Variants in OXCT1 observed in about 807,000 individuals in gnomAD.
OXCT1 encodes succinyl-CoA:3-ketoacid coenzyme A transferase 1, mitochondrial.
In OXCT1, 27 loss-of-function variants were observed where a neutral mutation model predicts 69.6. The observed-to-expected ratio is 0.39, with a 90% CI of 0.29 to 0.54. The LOEUF (loss-of-function observed/expected upper bound fraction) is 0.54, where lower values mean the gene tolerates loss of function less well. Among genes scored for constraint, OXCT1 ranks in the 20% least tolerant of loss-of-function variants. The probability of loss-of-function intolerance (pLI) is 0.72; values close to 1 mark genes in which losing one functional copy is unlikely to be tolerated. For missense variants in OXCT1, 437 were observed against 650.2 expected (o/e 0.67, Z 3.57); for synonymous variants, 202 against 217.8 (o/e 0.93, Z 0.64).
intron 10 of OXCT1, among the ~76,000 whole-genome samples, 183 bp from the exon 11 acceptor site, chr5:41,801,253 T>C (rs941886377): frequency 5.3e-5 from 8 of 152,178 alleles, no homozygotes; most frequent in African/African-American, 9.6e-5. Flanking sequence ...GTCTTTTCTA[T>C]ACTAAAGTTG....
chr5:41,849,676 G>GT (rs762171770), intron 5 of OXCT1, among the ~76,000 whole-genome samples: 1 of 152,164 alleles, frequency 6.6e-6, no homozygotes, highest in Non-Finnish European at 1.5e-5. Context: ...AGCATAAAGA[G>GT]TTTGCTAGCA....
chr5:41,730,537 G>A lies in OXCT1; in HGVS notation c.*1192C>T, dbSNP rs1350227745. On this transcript the variant is annotated 3_prime_UTR_variant, in exon 17 of 17. Coordinates refer to ENST00000196371, the MANE Select transcript of OXCT1 (RefSeq NM_000436.4). ...GCCTACCTCTGTCCAGAGGCCAGCT[G>A]TCTCACCTGTTCTTCAGGGTGCCTA... 6.6e-6 allele frequency: 1 copy of A among 152,234 alleles called. No homozygotes were observed. The highest frequency in any genetic ancestry group is 1.5e-5 in the Non-Finnish European group (1 of 68,038). 9.4% of individuals were successfully genotyped at this position (152,234 alleles called of 1,614,324 possible).
chr5:41,767,706 T>C (rs1450487321), intron 13 of OXCT1, among the ~76,000 whole-genome samples: 1 of 106,002 alleles, frequency 9.4e-6, no homozygotes, highest in African/African-American at 4.4e-5. Context: ...ATCTAGTATC[T>C]AATATATATG....
chr5:41,850,259 T>C, intron 4 of OXCT1, 80 bp from the exon 5 acceptor site: 1 of 1,501,958 alleles, frequency 6.7e-7, no homozygotes. Context: ...ACGTGGTTCC[T>C]ACTATCTAGA....
intron 16 of OXCT1, 38 bp downstream of exon 16, chr5:41,739,352 T>G: frequency 2.3e-6 from 3 of 1,294,696 alleles, no homozygotes; most frequent in Non-Finnish European, 3.4e-6. Flanking sequence ...GCCTATAATA[T>G]AAGACAAGTG....
intron 7 of OXCT1, among the ~76,000 whole-genome samples, chr5:41,834,132 A>G (rs1005934128): frequency 3.1e-4 from 47 of 152,088 alleles, no homozygotes; most frequent in African/African-American, 1.0e-3. Context: ...GCCTCATGCT[A>G]ACATCAAATA....
chr5:41,809,071 T>C (rs1199463254), intron 7 of OXCT1, among the ~76,000 whole-genome samples: 1 of 122,796 alleles, frequency 8.1e-6, no homozygotes, highest in East Asian at 1.9e-4. Flanking sequence ...TATGCACTCA[T>C]AATATTTAAT....
intron 5 of OXCT1, among the ~76,000 whole-genome samples, chr5:41,849,332 G>T (rs1311492574): frequency 2.6e-5 from 4 of 152,104 alleles, no homozygotes; most frequent in African/African-American, 9.7e-5. Flanking sequence ...ACTTTCTTCG[G>T]CCATTTGGAC....
chr5:41,856,363 G>A (rs1749428374), intron 3 of OXCT1, among the ~76,000 whole-genome samples: 1 of 152,068 alleles, frequency 6.6e-6, no homozygotes, highest in Non-Finnish European at 1.5e-5. Flanking sequence ...TTGGTTGGGG[G>A]AAATTAACAA....
intron 13 of OXCT1, among the ~76,000 whole-genome samples, chr5:41,767,635 C>G (rs1260772600): frequency 1.3e-5 from 2 of 148,366 alleles, no homozygotes; most frequent in African/African-American, 5.0e-5. Flanking sequence ...TCTACTCAGT[C>G]ACGTCTCTAA....
At chr5:41,743,355 G>T (rs1490005143) in intron 15 of OXCT1, among the ~76,000 whole-genome samples, 3 of 152,238 alleles carry the variant, frequency 2.0e-5, no homozygotes, top group South Asian at 2.1e-4. Flanking sequence ...ATTTGTTTGG[G>T]TTCTTTGTAG....
intron 7 of OXCT1, among the ~76,000 whole-genome samples, chr5:41,838,204 G>C (rs1748462219): frequency 6.6e-6 from 1 of 152,056 alleles, no homozygotes; most frequent in Non-Finnish European, 1.5e-5. Context: ...ACAGAACAGG[G>C]GGCTGGAGGT....
At chr5:41,732,163 T>C (rs1371431143) in intron 16 of OXCT1, among the ~76,000 whole-genome samples, 1 of 152,134 alleles carries the variant, frequency 6.6e-6, no homozygotes, top group Non-Finnish European at 1.5e-5. Flanking sequence ...AACCTCAAAA[T>C]AGATCCAGCC....
intron 12 of OXCT1, chr5:41,794,392 G>GA: frequency 1.7e-6 from 1 of 594,898 alleles, no homozygotes; most frequent in Non-Finnish European, 3.0e-6. Flanking sequence ...AACACAGTTT[G>GA]AAGAAAATGT....
chr5:41,848,999 C>G (rs1283786707), intron 5 of OXCT1, among the ~76,000 whole-genome samples: 1 of 152,170 alleles, frequency 6.6e-6, no homozygotes, highest in Non-Finnish European at 1.5e-5. Context: ...GAACAGGCAA[C>G]CTACAAAATG....
chr5:41,736,664 A>T (rs1341188387), intron 16 of OXCT1, among the ~76,000 whole-genome samples: 2 of 152,220 alleles, frequency 1.3e-5, no homozygotes, highest in African/African-American at 2.4e-5. Flanking sequence ...CACATAATGT[A>T]GCTTTTGCCC....
intron 1 of OXCT1, among the ~76,000 whole-genome samples, chr5:41,863,273 C>T (rs1164828690): frequency 6.6e-6 from 1 of 152,140 alleles, no homozygotes; most frequent in Non-Finnish European, 1.5e-5. Context: ...CATTGTTGAA[C>T]AGCTAAATCA....
chr5:41,753,638 C>A (rs1429840735), intron 14 of OXCT1, among the ~76,000 whole-genome samples: 1 of 152,088 alleles, frequency 6.6e-6, no homozygotes, highest in East Asian at 1.9e-4. Flanking sequence ...CAGTGTGTGG[C>A]CCTCCTAGGT....
At chr5:41,863,163 T>C (rs1009454469) in intron 1 of OXCT1, among the ~76,000 whole-genome samples, 1 of 152,130 alleles carries the variant, frequency 6.6e-6, no homozygotes. Flanking sequence ...TACACATATG[T>C]AGGAAAAACA....
Sources: allele counts gnomAD v4.1 joint callset (sites outside exome capture counted in the v4.1 genomes callset), GRCh38; gene constraint gnomAD v4.1.1; transcripts MANE v1.5; gene names NCBI Gene and HGNC (gene_info 2026-07-23, HGNC 2026-07-21).